The following NCOA1 variants were observed in gnomAD, a reference collection of about 807,000 sequenced individuals.
NCOA1 encodes the protein nuclear receptor coactivator 1.
Under a neutral mutation model 150.9 loss-of-function variants are expected in NCOA1, and 35 were observed. That is an observed-to-expected ratio of 0.23 (90% confidence interval 0.18 to 0.31). NCOA1 has a LOEUF of 0.31. Among genes scored for constraint, NCOA1 ranks in the 10% least tolerant of loss-of-function variants. The pLI is 1.00. For synonymous variants in NCOA1, 590 were observed against 630.0 expected (o/e 0.94, Z 0.95); for missense variants, 1,491 against 1,749.3 (o/e 0.85, Z 2.63).
At chr2:24,674,575 C>T (rs145330268) in intron 7 of NCOA1, among the ~76,000 whole-genome samples, 33 of 152,134 alleles carry the variant, frequency 2.2e-4, no homozygotes, top group African/African-American at 5.3e-4. Context: ...AAGAAATTTT[C>T]GCACATCTAA....
intron 14 of NCOA1, among the ~76,000 whole-genome samples, chr2:24,723,244 C>T (rs566187398): frequency 6.6e-6 from 1 of 152,218 alleles, no homozygotes; most frequent in African/African-American, 2.4e-5. Flanking sequence ...GTCACTTTTT[C>T]ACTTAATGTT....
At chr2:24,628,660 G>T (rs1669539705) in intron 3 of NCOA1, among the ~76,000 whole-genome samples, 1 of 152,172 alleles carries the variant, frequency 6.6e-6, no homozygotes, top group Non-Finnish European at 1.5e-5. Context: ...TACAGTGGAG[G>T]CTGATTTAGA....
intron 3 of NCOA1, among the ~76,000 whole-genome samples, chr2:24,626,871 A>G (rs1322333504): frequency 2.0e-5 from 3 of 152,110 alleles, no homozygotes; most frequent in African/African-American, 7.2e-5. Flanking sequence ...TCTCTACTTC[A>G]TTATTCTGTT....
At position 24,752,224 on chromosome 2, in the gene NCOA1, T is replaced by C. The variant is rs1303253436; in HGVS notation, c.3881+68T>C. 2.6e-6 allele frequency: 4 copies of C among 1,519,130 alleles called. No homozygotes were observed. The African/African-American group carries it at 5.5e-5, about 21-fold the overall frequency. The allele number at this position is 1,519,130 out of a possible 1,614,324, so 94.1% of individuals were successfully genotyped here. ...ATAAATCCTTGATACTGATAAATGC[T>C]ACAGTGGTTGAACCTCAGGAACATT... On this transcript the variant is annotated intron_variant, in intron 20 of 22. Transcript: ENST00000348332.
intron 17 of NCOA1, among the ~76,000 whole-genome samples, chr2:24,730,651 G>C (rs772038246): frequency 1.1e-4 from 17 of 152,036 alleles, no homozygotes; most frequent in Non-Finnish European, 1.9e-4. Flanking sequence ...ATGAGTAGGC[G>C]TAGTGGCATA....
intron 3 of NCOA1, among the ~76,000 whole-genome samples, chr2:24,608,751 C>A (rs1223122132): frequency 7.0e-6 from 1 of 142,446 alleles, no homozygotes; most frequent in Non-Finnish European, 1.5e-5. Context: ...TCTTTCTGTC[C>A]AGGGTTCCCA....
At position 24,741,856 on chromosome 2, in the gene NCOA1, C is replaced by T; in HGVS notation, c.3376C>T (p.Leu1126=). The change falls in exon 19 of 23, where the codon CTA becomes TTA. Residue 1126 remains leucine (L), a synonymous_variant. Transcript: ENST00000348332. ...CAGTCAACAGCACCGACAGAGGCAG[C>T]TAATACAGCAGCAAAGAGCCATGCT... The part of the protein sequence containing the change: ...LYSQQHRQRQ[L]IQQQRAMLMR... The T allele has an allele frequency of 6.2e-7, 1 of 1,614,194 alleles. No individual in the cohort carries two copies. Among genetic ancestry groups the T allele is most frequent in the Non-Finnish European group, 8.5e-7 (1 of 1,180,040 alleles).
chr2:24,679,127 CG>C (rs1226053936), intron 7 of NCOA1, among the ~76,000 whole-genome samples: 2 of 152,182 alleles, frequency 1.3e-5, no homozygotes, highest in Non-Finnish European at 2.9e-5. Flanking sequence ...GTGTGACACA[CG>C]GTGGTCTTCT....
At chr2:24,706,433 A>T (rs1673433054) in intron 12 of NCOA1, 135 bp from the exon 13 acceptor site, 1 of 952,394 alleles carries the variant, frequency 1.0e-6, no homozygotes, top group South Asian at 3.2e-5. Flanking sequence ...TTAATTTAAG[A>T]TGGTACAGAA....
chr2:24,696,683 G>T (rs994527606), intron 10 of NCOA1, among the ~76,000 whole-genome samples: 1 of 152,188 alleles, frequency 6.6e-6, no homozygotes, highest in African/African-American at 2.4e-5. Context: ...CATGCAACAC[G>T]TGAAAGATGT....
At chr2:24,712,917 G>A (rs1341282739) in intron 14 of NCOA1, among the ~76,000 whole-genome samples, 1 of 152,050 alleles carries the variant, frequency 6.6e-6, no homozygotes. Flanking sequence ...CCACCTCAGA[G>A]GGCCAGTAAT....
chr2:24,640,315 G>A (rs1393689982), intron 3 of NCOA1, among the ~76,000 whole-genome samples: 4 of 152,016 alleles, frequency 2.6e-5, no homozygotes, highest in East Asian at 1.9e-4. Context: ...ACTGTTCTAC[G>A]AGTGTTCATT....
intron 20 of NCOA1, among the ~76,000 whole-genome samples, chr2:24,752,705 C>T (rs941228169): frequency 2.0e-5 from 3 of 152,032 alleles, no homozygotes; most frequent in Admixed American, 2.0e-4. Flanking sequence ...CCAAGAATGG[C>T]AAATGTCAGA....
chr2:24,695,794 A>G lies in NCOA1; in HGVS notation c.809-1864A>G, dbSNP rs537923461. Among the ~76,000 whole-genome samples, 281 of 152,316 alleles carry G rather than the reference A, an allele frequency of 1.8e-3. 1 individual carries two copies. Among genetic ancestry groups the G allele is most frequent in the Non-Finnish European group, 2.5e-3 (170 of 68,016 alleles). On this transcript the variant is annotated intron_variant, in intron 10 of 22. Coordinates refer to ENST00000348332, the MANE Select transcript of NCOA1 (RefSeq NM_003743.5). ...TTCATGATTCTTCACTAAGATAGTC[A>G]TTATATTACCCATCTGGTACCATTG...
chr2:24,494,508 G>A (rs1379006832), intron 1 of NCOA1, among the ~76,000 whole-genome samples: 1 of 152,122 alleles, frequency 6.6e-6, no homozygotes, highest in Non-Finnish European at 1.5e-5. Context: ...CGCACAACAC[G>A]GAGTAAAATC....
chr2:24,547,010 C>G (rs920825864), intron 1 of NCOA1, among the ~76,000 whole-genome samples: 1 of 152,146 alleles, frequency 6.6e-6, no homozygotes, highest in Non-Finnish European at 1.5e-5. Context: ...ACAAGGCCAG[C>G]CAGGATTCAA....
At chr2:24,746,249 A>G (rs904832559) in intron 19 of NCOA1, among the ~76,000 whole-genome samples, 1 of 152,222 alleles carries the variant, frequency 6.6e-6, no homozygotes, top group Non-Finnish European at 1.5e-5. Flanking sequence ...GAAACTTAAC[A>G]TAGTCTAGCC....
At chr2:24,691,167 T>G (rs1191169864) in intron 8 of NCOA1, among the ~76,000 whole-genome samples, 2 of 152,210 alleles carry the variant, frequency 1.3e-5, no homozygotes, top group African/African-American at 4.8e-5. Flanking sequence ...AAAAACTCAT[T>G]AACTGCTGTA....
At chr2:24,702,543 AT>A (rs1673214638) in intron 11 of NCOA1, among the ~76,000 whole-genome samples, 2 of 152,136 alleles carry the variant, frequency 1.3e-5, no homozygotes, top group Non-Finnish European at 2.9e-5. Context: ...ACCAGGGAAA[AT>A]TTAATGTTTC....
Sources: allele counts gnomAD v4.1 joint callset (sites outside exome capture counted in the v4.1 genomes callset), GRCh38; gene constraint gnomAD v4.1.1; transcripts MANE v1.5; gene names NCBI Gene and HGNC (gene_info 2026-07-23, HGNC 2026-07-21).